Variants in SEMA5A observed in about 807,000 individuals in gnomAD.
SEMA5A encodes semaphorin 5A.
SEMA5A carries 55 observed loss-of-function variants against 135.5 expected under a neutral mutation model. The ratio of observed to expected loss-of-function variants is 0.41; its 90% CI spans 0.33 to 0.51. The LOEUF is 0.51. Among genes scored for constraint, SEMA5A ranks in the 20% least tolerant of loss-of-function variants. SEMA5A has a pLI of 0.37. For missense variants in SEMA5A, 1,290 were observed against 1,419.9 expected, an observed-to-expected ratio of 0.91 and a Z score of 1.47; for synonymous variants, 580 against 546.5, an observed-to-expected ratio of 1.06 and a Z score of -0.85.
At chr5:9,309,828 G>A (rs1431121286) in intron 5 of SEMA5A, among the ~76,000 whole-genome samples, 1 of 128,204 alleles carries the variant, frequency 7.8e-6, no homozygotes, top group African/African-American at 2.7e-5. Flanking sequence ...TATTTAAAAA[G>A]TAGAGTAAAT....
In SEMA5A at chr5:9,383,528, A is replaced by G. The variant is rs143427491; in HGVS notation, c.-77-3505T>C. ...CACTCACACCCATGCCTGGCACCCAACAGCCACCCAGAGCCATATCAATGA... is the reference window on the plus strand; with the variant it reads ...CACTCACACCCATGCCTGGCACCCAGCAGCCACCCAGAGCCATATCAATGA... On this transcript the variant is annotated intron_variant, in intron 2 of 22. Transcript: ENST00000382496. Among the ~76,000 whole-genome samples, 20 of 152,336 alleles carry G rather than the reference A, an allele frequency of 1.3e-4. No homozygotes were observed. In the East Asian group the frequency reaches 3.9e-3, roughly 29 times the overall value.
At chr5:9,525,976 GATTGCAGTA>G (rs1737101245) in intron 1 of SEMA5A, among the ~76,000 whole-genome samples, 1 of 152,144 alleles carries the variant, frequency 6.6e-6, no homozygotes, top group South Asian at 2.1e-4. Flanking sequence ...TTACTCCAAT[GATTGCAGTA>G]ATTACACTTT....
chr5:9,052,356 G>A (rs1030709860), intron 19 of SEMA5A, among the ~76,000 whole-genome samples: 2 of 152,198 alleles, frequency 1.3e-5, no homozygotes, highest in African/African-American at 2.4e-5. Flanking sequence ...CAGACCATCA[G>A]CAGCAGCGGT....
intron 2 of SEMA5A, among the ~76,000 whole-genome samples, chr5:9,384,787 C>A (rs541417395): frequency 6.6e-6 from 1 of 152,104 alleles, no homozygotes; most frequent in African/African-American, 2.4e-5. Context: ...TAGATAACTT[C>A]CCTCTTTGGA....
At chr5:9,346,165 T>TG (rs1194232830) in intron 3 of SEMA5A, among the ~76,000 whole-genome samples, 1 of 152,134 alleles carries the variant, frequency 6.6e-6, no homozygotes, top group African/African-American at 2.4e-5. Flanking sequence ...TTGTGGACTA[T>TG]GGCTGGATGT....
At chr5:9,146,576 T>C (rs1465475581) in intron 12 of SEMA5A, among the ~76,000 whole-genome samples, 1 of 152,220 alleles carries the variant, frequency 6.6e-6, no homozygotes, top group East Asian at 1.9e-4. Flanking sequence ...CCTAGTGTAT[T>C]CCGGGATCAG....
intron 6 of SEMA5A, among the ~76,000 whole-genome samples, chr5:9,233,526 A>C (rs560779568): frequency 6.6e-6 from 1 of 152,072 alleles, no homozygotes; most frequent in South Asian, 2.1e-4. Context: ...CTCTTTCCCA[A>C]GGGAGCTGAA....
At position 9,038,473 on chromosome 5, in the gene SEMA5A, G is replaced by A. The variant is rs1735773031; in HGVS notation, c.*4424C>T. On this transcript the variant is annotated 3_prime_UTR_variant, in exon 23 of 23. Coordinates refer to ENST00000382496, the MANE Select transcript of SEMA5A (RefSeq NM_003966.3). ...CCCTAAAGAAAGCTGATGGTTCAGGGACAAAGTTGAAGAAGTATCTTGACA... is the reference window on the plus strand; with the variant it reads ...CCCTAAAGAAAGCTGATGGTTCAGGAACAAAGTTGAAGAAGTATCTTGACA... 6.6e-6 allele frequency: 1 copy of A among 152,130 alleles called. No homozygotes were observed. The highest frequency in any genetic ancestry group is 1.5e-5 in the Non-Finnish European group (1 of 68,022). The allele number at this position is 152,130 out of a possible 1,614,324, so 9.4% of individuals were successfully genotyped here.
At chr5:9,082,349 C>T (rs1738433535) in intron 16 of SEMA5A, among the ~76,000 whole-genome samples, 2 of 152,172 alleles carry the variant, frequency 1.3e-5, no homozygotes, top group African/African-American at 4.8e-5. Context: ...TATCCACCTC[C>T]TTTAACACTG....
intron 16 of SEMA5A, among the ~76,000 whole-genome samples, chr5:9,095,746 A>G (rs1290005371): frequency 6.6e-6 from 1 of 152,266 alleles, no homozygotes; most frequent in Non-Finnish European, 1.5e-5. Flanking sequence ...AACACAAATT[A>G]AAACATATTG....
At chr5:9,355,771 A>G (rs555814256) in intron 3 of SEMA5A, among the ~76,000 whole-genome samples, 4 of 152,108 alleles carry the variant, frequency 2.6e-5, no homozygotes, top group Admixed American at 6.5e-5. Flanking sequence ...AAGGAGAAGA[A>G]AATGGCCACT....
At chr5:9,317,033 A>G (rs1304342907) in intron 5 of SEMA5A, among the ~76,000 whole-genome samples, 1 of 152,172 alleles carries the variant, frequency 6.6e-6, no homozygotes, top group Non-Finnish European at 1.5e-5. Flanking sequence ...GATTTCACAC[A>G]TAAGTGAGAT....
intron 1 of SEMA5A, chr5:9,518,189 G>C (rs757559423): frequency 6.6e-6 from 1 of 152,074 alleles, no homozygotes; most frequent in Non-Finnish European, 1.5e-5. Context: ...ATCATAAATT[G>C]TTTGATTTGC....
intron 6 of SEMA5A, among the ~76,000 whole-genome samples, 188 bp from the exon 7 acceptor site, chr5:9,227,155 A>G (rs893566385): frequency 1.3e-5 from 2 of 152,192 alleles, no homozygotes; most frequent in Non-Finnish European, 2.9e-5. Context: ...ACCAAAAAAT[A>G]ACAACAGAGC....
At chr5:9,449,388 G>T (rs929984045) in intron 1 of SEMA5A, among the ~76,000 whole-genome samples, 1 of 152,044 alleles carries the variant, frequency 6.6e-6, no homozygotes, top group Non-Finnish European at 1.5e-5. Flanking sequence ...GGATATATGG[G>T]GGGGAACAAC....
intron 17 of SEMA5A, among the ~76,000 whole-genome samples, chr5:9,064,772 A>G (rs1051923677): frequency 1.3e-5 from 2 of 152,204 alleles, no homozygotes; most frequent in Non-Finnish European, 2.9e-5. Context: ...GGGCTTAGTC[A>G]TTTAAAAAGT....
intron 1 of SEMA5A, among the ~76,000 whole-genome samples, chr5:9,526,476 C>G (rs1286722193): frequency 6.6e-6 from 1 of 152,184 alleles, no homozygotes; most frequent in Non-Finnish European, 1.5e-5. Context: ...ACCAGCTGTT[C>G]ACTGCCTGGT....
chr5:9,044,631 T>A (rs1166401127), intron 21 of SEMA5A, 47 bp from the exon 22 acceptor site: 1 of 1,504,734 alleles, frequency 6.6e-7, no homozygotes. Flanking sequence ...AAGAACATCC[T>A]GCCTAGCTAC....
At chr5:9,526,579 A>C (rs1737137114) in intron 1 of SEMA5A, among the ~76,000 whole-genome samples, 1 of 152,178 alleles carries the variant, frequency 6.6e-6, no homozygotes. Flanking sequence ...ATGGTGTTAC[A>C]CTGCAGCAAT....
Sources: allele counts gnomAD v4.1 joint callset (sites outside exome capture counted in the v4.1 genomes callset), GRCh38; gene constraint gnomAD v4.1.1; transcripts MANE v1.5; gene names NCBI Gene and HGNC (gene_info 2026-07-23, HGNC 2026-07-21).